DOCK1: variants seen among roughly 807,000 people sequenced by gnomAD.
DOCK1 encodes dedicator of cytokinesis protein 1.
DOCK1 carries 138 observed loss-of-function variants against 262.7 expected under a neutral mutation model. The observed-to-expected ratio is 0.53, with a 90% CI of 0.46 to 0.61. DOCK1 has a LOEUF of 0.61. DOCK1 is among the 20% of genes least tolerant of loss of function. The pLI, the probability that DOCK1 is intolerant of heterozygous loss-of-function variation, is 0.00. For missense variants in DOCK1, 1,908 were observed against 2,370.7 expected (o/e 0.80, Z 4.05); for synonymous variants, 866 against 867.4 (o/e 1.00, Z 0.03).
At position 127,410,822 on chromosome 10, in the gene DOCK1, CTGTCTGTCTCTGT is replaced by C; in HGVS notation, c.4344-17_4344-5del. On this transcript the variant is annotated splice_polypyrimidine_tract_variant and splice_region_variant and intron_variant, in intron 42 of 51. Coordinates refer to ENST00000623213, the MANE Select transcript of DOCK1 (RefSeq NM_001290223.2). ...TTTGCCGGGTTAAATATCTAATGAT[CTGTCTGTCTCTGT>C]ACAGTTTTTACAGGGTGAACGAGGT... 6.2e-7 allele frequency: 1 copy of C among 1,610,578 alleles called. No homozygotes were observed. The highest frequency in any genetic ancestry group is 8.5e-7 in the Non-Finnish European group (1 of 1,178,570).
intron 19 of DOCK1, among the ~76,000 whole-genome samples, chr10:127,039,854 C>T (rs1001200414): frequency 6.6e-6 from 1 of 152,182 alleles, no homozygotes; most frequent in African/African-American, 2.4e-5. Flanking sequence ...GCAAAAGATA[C>T]GCTGTCCCAT....
chr10:127,002,766 C>G lies in DOCK1; in HGVS notation c.985+2459C>G, dbSNP rs545084977. ...GTGTGGCCTCCAGGGACTTCTGTCC[C>G]CTGATATCTGCTGATCACATGGACA... On this transcript the variant is annotated intron_variant, in intron 10 of 51. Coordinates refer to ENST00000623213, the MANE Select transcript of DOCK1 (RefSeq NM_001290223.2). Among the ~76,000 whole-genome samples the G allele has an allele frequency of 1.5e-3, 233 of 152,248 alleles. 3 individuals carry two copies. Among genetic ancestry groups the G allele is most frequent in the African/African-American group, 5.2e-3 (215 of 41,530 alleles).
rs377590401 is a variant in DOCK1 at position 126,999,357 on chromosome 10, G to A, written c.771G>A (p.Glu257=). Residue 257 remains glutamate (E), a synonymous_variant, in exon 9 of 52, where the codon GAG becomes GAA. Transcript: ENST00000623213. Reference sequence around the variant, plus strand: ...TTTTATTTCTCCATTTTTCAAGTGAGAACTACCTGGTTCGCTGGTCCAGTT... The same window carrying A: ...TTTTATTTCTCCATTTTTCAAGTGAAAACTACCTGGTTCGCTGGTCCAGTT... ...YDPVESKFIS[E]NYLVRWSSSG... The A allele has an allele frequency of 2.0e-5, 32 of 1,612,500 alleles. No individual in the cohort carries two copies. The highest frequency in any genetic ancestry group is 2.7e-5 in the African/African-American group (2 of 74,860).
At chr10:127,056,287 C>T (rs978434434) in intron 22 of DOCK1, among the ~76,000 whole-genome samples, 2 of 152,168 alleles carry the variant, frequency 1.3e-5, no homozygotes, top group Non-Finnish European at 2.9e-5. Context: ...TCACTGCAGC[C>T]TCAAACCCCT....
chr10:127,398,450 G>A (rs1024297703), intron 38 of DOCK1, among the ~76,000 whole-genome samples: 4 of 152,160 alleles, frequency 2.6e-5, no homozygotes, highest in East Asian at 3.9e-4. Flanking sequence ...AGCAAAGAAC[G>A]GACTGAACGC....
At chr10:127,281,780 G>A (rs1197160236) in intron 29 of DOCK1, among the ~76,000 whole-genome samples, 4 of 152,136 alleles carry the variant, frequency 2.6e-5, no homozygotes, top group African/African-American at 4.8e-5. Flanking sequence ...AGAAATGGTG[G>A]GAGCAGGGCA....
intron 38 of DOCK1, among the ~76,000 whole-genome samples, chr10:127,401,581 C>T (rs867129337): frequency 4.6e-5 from 7 of 152,086 alleles, no homozygotes; most frequent in South Asian, 4.1e-4. Flanking sequence ...CGCCATTTTG[C>T]CTCTCAATTC....
intron 24 of DOCK1, among the ~76,000 whole-genome samples, chr10:127,106,777 A>G (rs113754032): frequency 6.6e-6 from 1 of 152,132 alleles, no homozygotes; most frequent in Non-Finnish European, 1.5e-5. Context: ...CCCCACAAAC[A>G]AACTTTGAGA....
chr10:127,233,276 A>G (rs780405522), intron 27 of DOCK1, among the ~76,000 whole-genome samples: 5 of 152,334 alleles, frequency 3.3e-5, no homozygotes, highest in Middle Eastern at 3.4e-3. Flanking sequence ...GATAAGATTG[A>G]TGAAATGGCC....
In DOCK1 at chr10:127,000,321, C is replaced by G. The variant is rs1228677301; in HGVS notation, c.985+14C>G. ...TTGGAGTGGCTGGTAATCTATTTCT[C>G]TGTGTTTCCTTGAGAGTTTCAGATC... On this transcript the variant is annotated intron_variant, in intron 10 of 51. Transcript: ENST00000623213. The G allele has an allele frequency of 1.2e-6, 2 of 1,612,496 alleles. No individual in the cohort carries two copies. Among genetic ancestry groups the G allele is most frequent in the African/African-American group, 2.7e-5 (2 of 75,028 alleles).
At position 127,024,594 on chromosome 10, in the gene DOCK1, C is replaced by T. The variant is rs933752921; in HGVS notation, c.1453-91C>T. On this transcript the variant is annotated intron_variant, in intron 14 of 51. Transcript: ENST00000623213. ...TGGGGGTGTGTTGGTGTTCTTGGAG[C>T]GTACCTGTCCCCCCACATATATAGT... 4.9e-5 allele frequency: 52 copies of T among 1,071,520 alleles called. No homozygotes were observed. In the East Asian group the frequency reaches 1.2e-3, roughly 25 times the overall value. 66.4% of individuals were successfully genotyped at this position (1,071,520 alleles called of 1,614,324 possible). A position where few individuals can be genotyped will look rare whatever the true frequency, so the allele number is the denominator to read the frequency against.
intron 23 of DOCK1, among the ~76,000 whole-genome samples, chr10:127,093,202 C>CTT (rs1554883892): frequency 7.7e-6 from 1 of 129,560 alleles, no homozygotes; most frequent in Non-Finnish European, 1.6e-5. Flanking sequence ...TCTCCTTTTT[C>CTT]TTTCTTTCTT....
In DOCK1 at chr10:127,415,222, T is replaced by C; in HGVS notation, c.4499T>C (p.Val1500Ala). 1.2e-6 allele frequency: 2 copies of C among 1,613,540 alleles called. No homozygotes were observed. Among genetic ancestry groups the C allele is most frequent in the Non-Finnish European group, 1.7e-6 (2 of 1,179,684 alleles). Residue 1500 changes from valine to alanine, a missense_variant, in exon 44 of 52, where the codon GTC (valine) becomes GCC (alanine). Val to Ala is a moderately conservative substitution (Grantham distance 64). This residue lies in a region of DOCK1 where 57 missense variants were observed against 103.1 expected (regional missense o/e 0.55). Coordinates refer to ENST00000623213, the MANE Select transcript of DOCK1 (RefSeq NM_001290223.2). ...CCTGGAATTTTAAGGTGGTTTGAGGTCAAGTCTGTTTTCATGGTAAGGATG... is the reference window on the plus strand; with the variant it reads ...CCTGGAATTTTAAGGTGGTTTGAGGCCAAGTCTGTTTTCATGGTAAGGATG... ...KLPGILRWFE[V>A]KSVFMVEISP...
At chr10:127,089,712 G>A (rs1490031570) in intron 23 of DOCK1, among the ~76,000 whole-genome samples, 4 of 152,136 alleles carry the variant, frequency 2.6e-5, no homozygotes, top group Non-Finnish European at 5.9e-5. Context: ...GTGAGCCCTC[G>A]AGTCCTGGGT....
intron 43 of DOCK1, among the ~76,000 whole-genome samples, chr10:127,411,338 G>A (rs568688565): frequency 3.9e-5 from 6 of 152,112 alleles, no homozygotes; most frequent in African/African-American, 1.2e-4. Flanking sequence ...ATCTGGACCC[G>A]GGTGCTCATT....
chr10:127,148,559 AT>A (rs1231727112), intron 27 of DOCK1, among the ~76,000 whole-genome samples: 1 of 152,190 alleles, frequency 6.6e-6, no homozygotes, highest in Non-Finnish European at 1.5e-5. Flanking sequence ...GAAGGAGAGA[AT>A]GGCTGGTTTG....
intron 23 of DOCK1, among the ~76,000 whole-genome samples, chr10:127,097,623 C>G (rs1241583616): frequency 6.6e-6 from 1 of 152,196 alleles, no homozygotes; most frequent in Non-Finnish European, 1.5e-5. Context: ...CAGGTAGAAT[C>G]AGACCGTCCC....
intron 27 of DOCK1, among the ~76,000 whole-genome samples, chr10:127,196,639 G>A (rs371292072): frequency 2.0e-5 from 3 of 147,194 alleles, no homozygotes; most frequent in East Asian, 4.0e-4. Flanking sequence ...GGGCCGGGCC[G>A]GGCCGGGCCG....
intron 38 of DOCK1, among the ~76,000 whole-genome samples, chr10:127,385,698 A>G (rs7085210): frequency 0.77 from 117,356 of 152,196 alleles, 45,396 homozygotes; most frequent in African/African-American, 0.84. Context: ...CTGATGTCAC[A>G]GTGTTGGCGT....
Sources: allele counts gnomAD v4.1 joint callset (sites outside exome capture counted in the v4.1 genomes callset), GRCh38; gene constraint gnomAD v4.1.1; regional missense constraint gnomAD v4.1.1; transcripts MANE v1.5; gene names NCBI Gene and HGNC (gene_info 2026-07-23, HGNC 2026-07-21).